RASGEF1B: variants seen among roughly 807,000 people sequenced by gnomAD.
RASGEF1B encodes ras-GEF domain-containing family member 1B.
A neutral mutation model predicts 65.7 loss-of-function variants in RASGEF1B; 30 were observed. The observed-to-expected ratio is 0.46, with a 90% CI of 0.34 to 0.62. RASGEF1B has a LOEUF of 0.62. Ranked by LOEUF, RASGEF1B falls within the 20% of genes least tolerant of loss-of-function variation. RASGEF1B has a pLI of 0.01. For missense variants in RASGEF1B, 495 were observed against 580.1 expected, an observed-to-expected ratio of 0.85 and a Z score of 1.51; for synonymous variants, 175 against 194.8, an observed-to-expected ratio of 0.90 and a Z score of 0.85.
chr4:81,471,322 GA>G (rs1236193276), intron 1 of RASGEF1B: 7 of 152,306 alleles, frequency 4.6e-5, no homozygotes, highest in Non-Finnish European at 1.0e-4. Flanking sequence ...AAGAAGGGAT[GA>G]AAAAAATGAT....
Position 81,427,477 on chromosome 4 carries a change from A to G in RASGEF1B, c.*291T>C, listed in dbSNP as rs550359161. On this transcript the variant is annotated 3_prime_UTR_variant, in exon 14 of 14. Transcript: ENST00000264400. The stretch of plus-strand genomic sequence containing the variant: ...ATCCAGGTGCAGAGCTGTGATTCAC[A>G]TGGAAATTCCAGGAGATGAATAATG... 2 of 389,542 alleles carry G rather than the reference A, an allele frequency of 5.1e-6. No individual in the cohort carries two copies. Among genetic ancestry groups the G allele is most frequent in the East Asian group, 4.0e-5 (1 of 24,854 alleles). The allele number at this position is 389,542 out of a possible 1,614,324, so 24.1% of individuals were successfully genotyped here. A position where few individuals can be genotyped will look rare whatever the true frequency, so the allele number is the denominator to read the frequency against.
At chr4:81,464,477 T>A (rs1291356007) in intron 1 of RASGEF1B, among the ~76,000 whole-genome samples, 3 of 152,228 alleles carry the variant, frequency 2.0e-5, no homozygotes. Context: ...GAGAGCAGGT[T>A]AATCTCAAAA....
At chr4:81,429,206 C>T (rs1187066698) in intron 13 of RASGEF1B, among the ~76,000 whole-genome samples, 1 of 152,216 alleles carries the variant, frequency 6.6e-6, no homozygotes, top group East Asian at 1.9e-4. Flanking sequence ...GAAATTCTTT[C>T]TAGGGAAAAA....
At chr4:81,448,415 G>T in intron 4 of RASGEF1B, 131 bp from the exon 5 acceptor site, 1 of 731,974 alleles carries the variant, frequency 1.4e-6, no homozygotes, top group Non-Finnish European at 2.3e-6. Context: ...GGCAGTTACG[G>T]GAAGATTCAG....
intron 11 of RASGEF1B, 75 bp downstream of exon 11, chr4:81,434,564 G>T (rs1721542179): frequency 1.1e-5 from 9 of 832,758 alleles, no homozygotes; most frequent in South Asian, 8.4e-5. Flanking sequence ...TGGCTGCCTG[G>T]CCAGGAATGC....
At chr4:81,448,023 A>G (rs368494867) in intron 5 of RASGEF1B, 46 bp downstream of exon 5, 219 of 1,543,382 alleles carry the variant, frequency 1.4e-4, no homozygotes, top group Admixed American at 1.8e-4. Context: ...TTGCCAAAGC[A>G]AAGCAAATCT....
intron 6 of RASGEF1B, 44 bp from the exon 7 acceptor site, chr4:81,445,882 C>T: frequency 7.1e-7 from 1 of 1,401,284 alleles, no homozygotes; most frequent in African/African-American, 1.4e-5. Context: ...AGGAAAAAAA[C>T]AATGTAGTGG....
chr4:81,459,483 G>A lies in RASGEF1B; in HGVS notation c.26C>T (p.Ala9Val), dbSNP rs1404387758. Residue 9 changes from alanine to valine, a missense_variant, in exon 2 of 14, where the codon GCA (alanine) becomes GTA (valine). Coordinates refer to ENST00000264400, the MANE Select transcript of RASGEF1B (RefSeq NM_152545.3). ...ATTGTAACCACTGCTGTCAAACATTGCTGAAAAGGGAGGAGTCTGAGGCAT... is the reference window on the plus strand; with the variant it reads ...ATTGTAACCACTGCTGTCAAACATTACTGAAAAGGGAGGAGTCTGAGGCAT... MPQTPPFS[A>V]MFDSSGYNRN... 1.2e-6 allele frequency: 2 copies of A among 1,603,296 alleles called. No individual in the cohort carries two copies.
chr4:81,441,216 A>G (rs1283572605), intron 9 of RASGEF1B, among the ~76,000 whole-genome samples: 1 of 152,186 alleles, frequency 6.6e-6, no homozygotes, highest in Non-Finnish European at 1.5e-5. Context: ...AATAAGAGTC[A>G]AACACCAGCA....
At chr4:81,442,793 C>T (rs1447552845) in intron 8 of RASGEF1B, among the ~76,000 whole-genome samples, 3 of 152,204 alleles carry the variant, frequency 2.0e-5, no homozygotes, top group Non-Finnish European at 2.9e-5. Flanking sequence ...ATTACAGTCA[C>T]ATGTTAGAAA....
chr4:81,459,793 T>C (rs1722579334), intron 1 of RASGEF1B, among the ~76,000 whole-genome samples: 1 of 152,144 alleles, frequency 6.6e-6, no homozygotes, highest in Admixed American at 6.5e-5. Flanking sequence ...TCTCTGGCTG[T>C]CATATTTAGA....
intron 1 of RASGEF1B, among the ~76,000 whole-genome samples, chr4:81,463,460 T>C (rs972338244): frequency 6.6e-6 from 1 of 152,184 alleles, no homozygotes; most frequent in African/African-American, 2.4e-5. Context: ...CTCAATGAAA[T>C]ATAGTAATAT....
intron 13 of RASGEF1B, among the ~76,000 whole-genome samples, chr4:81,429,933 G>A (rs903113782): frequency 9.1e-4 from 139 of 152,350 alleles, no homozygotes; most frequent in African/African-American, 3.1e-3. Context: ...GCAGTCGGAG[G>A]AGAGCCTGGG....
At chr4:81,435,413 C>A (rs1391583273) in intron 10 of RASGEF1B, among the ~76,000 whole-genome samples, 17 of 107,954 alleles carry the variant, frequency 1.6e-4, no homozygotes, top group Admixed American at 1.3e-3. Flanking sequence ...GCGAGACTCC[C>A]TCTCAAAAAA....
intron 10 of RASGEF1B, among the ~76,000 whole-genome samples, chr4:81,437,533 G>C (rs1328917734): frequency 1.3e-5 from 2 of 152,180 alleles, no homozygotes; most frequent in Admixed American, 6.5e-5. Flanking sequence ...TGAGCTGTGA[G>C]ATTCATGCAG....
chr4:81,459,276 T>C lies in RASGEF1B; in HGVS notation c.177+56A>G. On this transcript the variant is annotated intron_variant, in intron 2 of 13. Coordinates refer to ENST00000264400, the MANE Select transcript of RASGEF1B (RefSeq NM_152545.3). ...TATTATCTATGGTCCCTGCCTACTG[T>C]ACTGCAATTTCTACTCATTGCCAAG... 12 of 1,337,298 alleles carry C rather than the reference T, an allele frequency of 9.0e-6. 1 individual carries two copies. The South Asian group carries it at 1.4e-4, about 15-fold the overall frequency. 82.8% of individuals were successfully genotyped at this position (1,337,298 alleles called of 1,614,324 possible).
At chr4:81,460,288 T>A (rs895979246) in intron 1 of RASGEF1B, among the ~76,000 whole-genome samples, 4 of 152,196 alleles carry the variant, frequency 2.6e-5, no homozygotes, top group African/African-American at 9.6e-5. Flanking sequence ...AAAGGCCTTG[T>A]CAGAGGGTGC....
At chr4:81,469,228 T>G (rs1346103483) in intron 1 of RASGEF1B, among the ~76,000 whole-genome samples, 2 of 152,204 alleles carry the variant, frequency 1.3e-5, no homozygotes, top group African/African-American at 2.4e-5. Context: ...TTTCATTTAT[T>G]ATGTGTGGCA....
chr4:81,450,082 T>C (rs1722197725), intron 4 of RASGEF1B, among the ~76,000 whole-genome samples: 1 of 152,176 alleles, frequency 6.6e-6, no homozygotes, highest in East Asian at 1.9e-4. Flanking sequence ...GTTTAGAAAA[T>C]GCTATTTGGT....
Sources: gnomAD v4.1 joint callset for allele counts (sites outside exome capture counted in the v4.1 genomes callset) on GRCh38, gnomAD v4.1.1 for gene constraint, MANE v1.5 for transcripts, NCBI Gene and HGNC (gene_info 2026-07-23, HGNC 2026-07-21) for gene names.